PRKCE: variants seen among roughly 807,000 people sequenced by gnomAD.
PRKCE encodes the protein protein kinase C epsilon type.
A neutral mutation model predicts 85.4 loss-of-function variants in PRKCE; 16 were observed. That is an observed-to-expected ratio of 0.19 (90% CI 0.13 to 0.28). The LOEUF is 0.28. Ranked by LOEUF, PRKCE falls within the 10% of genes least tolerant of loss-of-function variation. PRKCE has a pLI of 1.00. For missense variants in PRKCE, 573 were observed against 975.2 expected (o/e 0.59, Z 5.49); for synonymous variants, 388 against 371.5 (o/e 1.04, Z -0.51).
chr2:45,730,501 C>T (rs560209229), intron 1 of PRKCE, among the ~76,000 whole-genome samples: 1 of 150,698 alleles, frequency 6.6e-6, no homozygotes, highest in South Asian at 2.1e-4. Flanking sequence ...ACCCTGTTGC[C>T]CAGGCTCGAG....
chr2:45,783,480 G>T (rs774606354), intron 1 of PRKCE, among the ~76,000 whole-genome samples: 3 of 152,208 alleles, frequency 2.0e-5, no homozygotes, highest in Non-Finnish European at 4.4e-5. Flanking sequence ...CTCAGGTCAG[G>T]AACTGCAGTC....
chr2:45,709,378 T>A (rs1329028376), intron 1 of PRKCE, among the ~76,000 whole-genome samples: 1 of 152,254 alleles, frequency 6.6e-6, no homozygotes, highest in Non-Finnish European at 1.5e-5. Context: ...TGGCAGATCT[T>A]GGCTCTTGCT....
At chr2:45,721,354 C>T (rs1257118867) in intron 1 of PRKCE, among the ~76,000 whole-genome samples, 2 of 152,124 alleles carry the variant, frequency 1.3e-5, no homozygotes, top group Non-Finnish European at 2.9e-5. Flanking sequence ...ACACAAGTTA[C>T]ATAACCCAGG....
In PRKCE at chr2:45,827,924, G is replaced by T. The variant is rs565591670; in HGVS notation, c.349-15076G>T. ...GAGACTTATGCTTCGTTTCCTTAGA[G>T]CACCAGCATTTTTCTTTTTTTCTTT... On this transcript the variant is annotated intron_variant, in intron 1 of 14. Coordinates refer to ENST00000306156, the MANE Select transcript of PRKCE (RefSeq NM_005400.3). Among the ~76,000 whole-genome samples the T allele has an allele frequency of 2.0e-4, 31 of 152,244 alleles. No individual in the cohort carries two copies. The South Asian group carries it at 6.4e-3, about 32-fold the overall frequency.
Position 45,711,588 on chromosome 2 carries a change from G to C in PRKCE, c.348+59140G>C, listed in dbSNP as rs1679642560. Among the ~76,000 whole-genome samples the C allele has an allele frequency of 2.0e-5, 3 of 152,296 alleles. No individual in the cohort carries two copies. The South Asian group carries it at 6.2e-4, about 32-fold the overall frequency. The stretch of plus-strand genomic sequence containing the variant: ...TTAAATTAACTATATAAGTGTTCAA[G>C]ACATGTTGGCTATTACTTCTATTAT... On this transcript the variant is annotated intron_variant, in intron 1 of 14. Transcript: ENST00000306156.
intron 11 of PRKCE, among the ~76,000 whole-genome samples, chr2:46,115,690 AAT>A (rs1362296899): frequency 6.6e-6 from 1 of 152,150 alleles, no homozygotes; most frequent in African/African-American, 2.4e-5. Flanking sequence ...TATTTGTCTA[AAT>A]TATAAATCAG....
intron 1 of PRKCE, among the ~76,000 whole-genome samples, chr2:45,705,105 T>C (rs1679000150): frequency 6.6e-6 from 1 of 152,232 alleles, no homozygotes; most frequent in Admixed American, 6.5e-5. Context: ...CACTATCATT[T>C]GGACATGGAA....
At chr2:45,947,375 G>A (rs573418396) in intron 2 of PRKCE, among the ~76,000 whole-genome samples, 6 of 152,202 alleles carry the variant, frequency 3.9e-5, no homozygotes, top group Admixed American at 6.5e-5. Context: ...TTCTGTTTGC[G>A]GGGGATGAAA....
chr2:45,860,118 G>A (rs1013871565), intron 2 of PRKCE, among the ~76,000 whole-genome samples: 4 of 152,120 alleles, frequency 2.6e-5, no homozygotes, highest in South Asian at 4.1e-4. Context: ...GTAAGCTCCC[G>A]AGGACAAGAA....
At chr2:45,662,451 T>G (rs910384231) in intron 1 of PRKCE, among the ~76,000 whole-genome samples, 1 of 152,118 alleles carries the variant, frequency 6.6e-6, no homozygotes, top group Non-Finnish European at 1.5e-5. Flanking sequence ...TTTTTCTCTC[T>G]CTATGAAATG....
At chr2:45,705,642 C>T (rs1679055031) in intron 1 of PRKCE, among the ~76,000 whole-genome samples, 1 of 152,162 alleles carries the variant, frequency 6.6e-6, no homozygotes, top group East Asian at 1.9e-4. Context: ...GATGGGTGGG[C>T]TTGCTTTCCT....
rs1269984930 is a variant in PRKCE, at chr2:46,138,098, A to T, written c.1593-6995A>T. On this transcript the variant is annotated intron_variant, in intron 11 of 14. Coordinates refer to ENST00000306156, the MANE Select transcript of PRKCE (RefSeq NM_005400.3). This position sits in a 1 kb window ranked among gnomAD's most constrained non-coding sequence, Gnocchi z 4.2. Reference sequence around the variant, plus strand: ...GTTTTATAGAATATTTTAAAAGTACATTGTTTAGGGAATTTCCTTTCTTGT... The same window carrying T: ...GTTTTATAGAATATTTTAAAAGTACTTTGTTTAGGGAATTTCCTTTCTTGT... Among the ~76,000 whole-genome samples, 2 of 152,166 alleles carry T rather than the reference A, an allele frequency of 1.3e-5. No homozygotes were observed. Among genetic ancestry groups the T allele is most frequent in the Non-Finnish European group, 2.9e-5 (2 of 68,032 alleles).
At chr2:45,827,206 T>A (rs1690015784) in intron 1 of PRKCE, among the ~76,000 whole-genome samples, 1 of 152,278 alleles carries the variant, frequency 6.6e-6, no homozygotes, top group Non-Finnish European at 1.5e-5. Context: ...CCTTTGCATC[T>A]GCTCCTCTCT....
At chr2:45,758,174 G>A (rs1684166860) in intron 1 of PRKCE, among the ~76,000 whole-genome samples, 2 of 152,112 alleles carry the variant, frequency 1.3e-5, no homozygotes. Flanking sequence ...TTAAAAACTG[G>A]GCAACCTTTG....
chr2:45,942,772 TATA>T (rs1242718215), intron 2 of PRKCE, among the ~76,000 whole-genome samples: 1 of 152,254 alleles, frequency 6.6e-6, no homozygotes, highest in Non-Finnish European at 1.5e-5. Flanking sequence ...TAAAATGAAT[TATA>T]ATGCATTATG....
intron 11 of PRKCE, among the ~76,000 whole-genome samples, chr2:46,124,153 C>T (rs1222216842): frequency 6.6e-6 from 1 of 152,040 alleles, no homozygotes; most frequent in East Asian, 1.9e-4. Context: ...GGTGAAACCC[C>T]ATCTCTACTA....
intron 10 of PRKCE, among the ~76,000 whole-genome samples, chr2:46,072,764 A>G (rs930559968): frequency 3.3e-5 from 5 of 152,208 alleles, no homozygotes; most frequent in African/African-American, 1.2e-4. Flanking sequence ...TACCTCTTGT[A>G]GGAAGCCATG....
intron 11 of PRKCE, among the ~76,000 whole-genome samples, chr2:46,140,435 C>A (rs1253491887): frequency 6.6e-6 from 1 of 152,062 alleles, no homozygotes; most frequent in Non-Finnish European, 1.5e-5. Context: ...GAAAAGATGA[C>A]CTATTCAACG....
chr2:45,948,058 G>A (rs1700358410), intron 2 of PRKCE, among the ~76,000 whole-genome samples: 1 of 152,190 alleles, frequency 6.6e-6, no homozygotes, highest in South Asian at 2.1e-4. Context: ...TATCTAAGTG[G>A]TAGGCACTGG....
Sources: gnomAD v4.1 joint callset for allele counts (sites outside exome capture counted in the v4.1 genomes callset) on GRCh38, gnomAD v4.1.1 for gene constraint, Gnocchi (gnomAD v3.1) non-coding constraint, MANE v1.5 for transcripts, NCBI Gene and HGNC (gene_info 2026-07-23, HGNC 2026-07-21) for gene names.